STAMBPL1: variants seen among roughly 807,000 people sequenced by gnomAD.
The protein encoded by STAMBPL1 is STAM binding protein like 1.
Under a neutral mutation model 52.9 loss-of-function variants are expected in STAMBPL1, and 44 were observed. That is an observed-to-expected ratio of 0.83 (90% CI 0.65 to 1.07). STAMBPL1 has a LOEUF of 1.07. Among genes scored for constraint, STAMBPL1 ranks in the 50% least tolerant of loss-of-function variants. The pLI, the probability that STAMBPL1 is intolerant of heterozygous loss-of-function variation, is 0.00. For missense variants in STAMBPL1, 511 were observed against 520.8 expected, an observed-to-expected ratio of 0.98 and a Z score of 0.18; for synonymous variants, 164 against 177.3, an observed-to-expected ratio of 0.92 and a Z score of 0.60.
intron 1 of STAMBPL1, among the ~76,000 whole-genome samples, chr10:88,897,644 A>G (rs2133152684): frequency 6.6e-6 from 1 of 152,284 alleles, no homozygotes; most frequent in East Asian, 1.9e-4. Context: ...AAGCCACTCT[A>G]AAAGCAGCGA....
At chr10:88,913,929 T>G (rs934747848) in intron 6 of STAMBPL1, among the ~76,000 whole-genome samples, 2 of 152,194 alleles carry the variant, frequency 1.3e-5, no homozygotes, top group African/African-American at 4.8e-5. Context: ...AACCTCCAAA[T>G]GGACCGTGTG....
intron 3 of STAMBPL1, among the ~76,000 whole-genome samples, chr10:88,905,928 C>T (rs1254700817): frequency 8.5e-5 from 13 of 152,152 alleles, no homozygotes; most frequent in Non-Finnish European, 1.8e-4. Context: ...CTATTTAATA[C>T]ATGTTTCACT....
intron 1 of STAMBPL1, among the ~76,000 whole-genome samples, chr10:88,892,736 C>G (rs554275544): frequency 6.6e-6 from 1 of 152,178 alleles, no homozygotes; most frequent in Non-Finnish European, 1.5e-5. Flanking sequence ...TTGGAGAACA[C>G]TGGAGAAGCA....
At chr10:88,907,390 G>C (rs1007792922) in intron 3 of STAMBPL1, among the ~76,000 whole-genome samples, 1 of 152,162 alleles carries the variant, frequency 6.6e-6, no homozygotes, top group African/African-American at 2.4e-5. Context: ...AGAAAGTTAA[G>C]TAATAAATAT....
chr10:88,913,653 A>G (rs748187434), intron 6 of STAMBPL1, among the ~76,000 whole-genome samples, 195 bp downstream of exon 6: 1 of 152,194 alleles, frequency 6.6e-6, no homozygotes, highest in Non-Finnish European at 1.5e-5. Context: ...TTCAGGAAAT[A>G]TGATGCCCCC....
At chr10:88,896,944 A>G (rs12266049) in intron 1 of STAMBPL1, among the ~76,000 whole-genome samples, 6,604 of 152,230 alleles carry the variant, frequency 0.043, 405 homozygotes, top group African/African-American at 0.14. Flanking sequence ...AATAAGCACC[A>G]TGCTAGGTCA....
intron 1 of STAMBPL1, among the ~76,000 whole-genome samples, chr10:88,884,788 A>G (rs1379146554): frequency 6.6e-6 from 1 of 152,204 alleles, no homozygotes; most frequent in Non-Finnish European, 1.5e-5. Flanking sequence ...CTAAGCCTTA[A>G]CACAAGTTTA....
At chr10:88,890,025 C>G (rs1053490113) in intron 1 of STAMBPL1, among the ~76,000 whole-genome samples, 9 of 152,196 alleles carry the variant, frequency 5.9e-5, no homozygotes, top group African/African-American at 2.2e-4. Flanking sequence ...AGAGAGTGAC[C>G]TAGTCTGATG....
In STAMBPL1 at chr10:88,916,771, T is replaced by A. The variant is rs773997536; in HGVS notation, c.995T>A (p.Phe332Tyr). The A allele has an allele frequency of 1.9e-6, 3 of 1,610,026 alleles. No individual in the cohort carries two copies. In the South Asian group the frequency reaches 3.3e-5, roughly 18 times the overall value. Residue 332 changes from phenylalanine (F) to tyrosine (Y), a missense_variant, in exon 8 of 11, where the codon TTC becomes TAC. Coordinates refer to ENST00000371926, the MANE Select transcript of STAMBPL1 (RefSeq NM_020799.4). ...GACATGGAGAATGTAGAGGAATTAT[T>A]CAATGTTCAGGATCAACATGATCTC... ...YCDMENVEEL[F>Y]NVQDQHDLLT... is the part of the protein sequence containing the mutation.
intron 5 of STAMBPL1, among the ~76,000 whole-genome samples, chr10:88,911,534 T>C (rs938370791): frequency 1.3e-5 from 2 of 152,210 alleles, no homozygotes; most frequent in African/African-American, 4.8e-5. Context: ...AGAGTGAACA[T>C]TATGATAATG....
intron 4 of STAMBPL1, among the ~76,000 whole-genome samples, chr10:88,910,079 T>G (rs1215380821): frequency 3.3e-5 from 5 of 152,196 alleles, no homozygotes. Flanking sequence ...TTATTTTTTT[T>G]GTAGGAGAAA....
chr10:88,894,964 G>A (rs1324908983), intron 1 of STAMBPL1, among the ~76,000 whole-genome samples: 4 of 152,156 alleles, frequency 2.6e-5, no homozygotes, highest in Admixed American at 2.6e-4. Context: ...TAATTAGGGA[G>A]CATATTACAG....
chr10:88,905,693 ATTGG>A, intron 3 of STAMBPL1, 33 bp downstream of exon 3: 2 of 1,542,320 alleles, frequency 1.3e-6, no homozygotes, highest in Admixed American at 1.8e-5. Context: ...AAGTGAGAAA[ATTGG>A]AAAAATATTT....
At chr10:88,908,369 T>A (rs1457429543) in intron 3 of STAMBPL1, among the ~76,000 whole-genome samples, 2 of 152,190 alleles carry the variant, frequency 1.3e-5, no homozygotes, top group Non-Finnish European at 2.9e-5. Flanking sequence ...TTTATGTGAT[T>A]CTCTCTGTTG....
intron 5 of STAMBPL1, chr10:88,912,435 G>C (rs1185336550): frequency 6.6e-6 from 1 of 152,212 alleles, no homozygotes; most frequent in Non-Finnish European, 1.5e-5. Flanking sequence ...AAAACTCTGG[G>C]TTAGTGGTGA....
At chr10:88,890,804 C>T (rs1184115363) in intron 1 of STAMBPL1, among the ~76,000 whole-genome samples, 8 of 152,194 alleles carry the variant, frequency 5.3e-5, no homozygotes, top group Non-Finnish European at 1.0e-4. Context: ...GAATCTTTCC[C>T]AATAACTGTT....
intron 1 of STAMBPL1, among the ~76,000 whole-genome samples, chr10:88,894,179 C>T (rs867472305): frequency 6.6e-6 from 1 of 152,138 alleles, no homozygotes; most frequent in African/African-American, 2.4e-5. Flanking sequence ...TGGGAAGCTG[C>T]AGTTCTGCTG....
intron 1 of STAMBPL1, among the ~76,000 whole-genome samples, chr10:88,900,057 T>A (rs1844907666): frequency 6.6e-6 from 1 of 152,218 alleles, no homozygotes; most frequent in Non-Finnish European, 1.5e-5. Context: ...GTTTTTTCTT[T>A]CTTGGGCATT....
chr10:88,912,852 T>A (rs538688535), intron 5 of STAMBPL1: 1 of 438,152 alleles, frequency 2.3e-6, no homozygotes, highest in East Asian at 3.9e-5. Flanking sequence ...CATTAGGGAA[T>A]GAAGGGATCC....
Sources: gnomAD v4.1 joint callset for allele counts (sites outside exome capture counted in the v4.1 genomes callset) on GRCh38, gnomAD v4.1.1 for gene constraint, MANE v1.5 for transcripts, NCBI Gene and HGNC (gene_info 2026-07-23, HGNC 2026-07-21) for gene names.